TEP1: variants seen among roughly 807,000 people sequenced by gnomAD.
TEP1 encodes the protein telomerase associated protein 1.
Under a neutral mutation model 306.3 loss-of-function variants are expected in TEP1, and 241 were observed. That is an observed-to-expected ratio of 0.79 (90% confidence interval 0.71 to 0.88). TEP1 has a LOEUF of 0.88. Ranked by LOEUF, TEP1 falls within the 40% of genes least tolerant of loss-of-function variation. The pLI is 0.00. For synonymous variants in TEP1, 1,289 were observed against 1,305.5 expected (o/e 0.99, Z 0.27); for missense variants, 3,051 against 3,276.1 (o/e 0.93, Z 1.68).
At chr14:20,383,452 C>A in intron 26 of TEP1, 36 bp downstream of exon 26, 3 of 1,613,520 alleles carry the variant, frequency 1.9e-6, no homozygotes, top group Non-Finnish European at 2.5e-6. Flanking sequence ...TTCTCCCCAG[C>A]CTGCCTCCCG....
At position 20,382,037 on chromosome 14, in the gene TEP1, C is replaced by T. The variant is rs768074751; in HGVS notation, c.4300G>A (p.Val1434Met). 2.5e-6 allele frequency: 4 copies of T among 1,614,180 alleles called. No individual in the cohort carries two copies. Among genetic ancestry groups the T allele is most frequent in the Non-Finnish European group, 3.4e-6 (4 of 1,180,020 alleles). The change falls in exon 30 of 55, where the codon GTG becomes ATG. Residue 1434 changes from valine to methionine, a missense_variant. Val to Met is a conservative substitution (Grantham distance 21, BLOSUM62 1). Coordinates refer to ENST00000262715, the MANE Select transcript of TEP1 (RefSeq NM_007110.5). Reference sequence around the variant, plus strand: ...GGTAGTGTCCGCCACACACTCAGCACTCCGTGCAGCTGGTCCACAGTCAAA... The same window carrying T: ...GGTAGTGTCCGCCACACACTCAGCATTCCGTGCAGCTGGTCCACAGTCAAA... ...SGLTVDQLHG[V>M]LSVWRTLPKG...
chr14:20,410,880 C>T (rs1879635056), intron 1 of TEP1, among the ~76,000 whole-genome samples: 2 of 138,686 alleles, frequency 1.4e-5, no homozygotes, highest in Admixed American at 8.3e-5. Flanking sequence ...GGAGTGCAGT[C>T]GCACAGTCTC....
chr14:20,374,280 G>A, intron 44 of TEP1, 149 bp downstream of exon 44: 1 of 565,200 alleles, frequency 1.8e-6, no homozygotes, highest in Admixed American at 3.5e-5. Flanking sequence ...TTTTTATAGA[G>A]ATGGGGGGTC....
intron 5 of TEP1, 136 bp downstream of exon 5, chr14:20,404,475 A>T: frequency 9.0e-7 from 1 of 1,110,748 alleles, no homozygotes. Context: ...TGGAGGGAGA[A>T]GCTGTCCTGT....
rs941617480 is a variant in TEP1 at position 20,371,502 on chromosome 14, G to A, written c.7207C>T (p.Pro2403Ser). The change falls in exon 50 of 55, where the codon CCA (proline) becomes TCA (serine). Residue 2403 changes from proline to serine, a missense_variant. By Grantham distance (74) the Pro-to-Ser change is moderately conservative. Around this residue, in one of 3 missense-constraint regions of TEP1, gnomAD observed 1,540 missense variants for 1,705.9 expected, o/e 0.90. Transcript: ENST00000262715. ...KLLCMKPGDA[P>S]SEIWSSYTEN... ...TTTGGATCTTACCAGATTTCAGATG[G>A]AGCATCCCCTGGCTTCATGCAAAGT... is the stretch of plus-strand genomic sequence containing the variant. 6.2e-7 allele frequency: 1 copy of A among 1,609,036 alleles called. No homozygotes were observed.
At chr14:20,375,618 T>C (rs1885128357) in intron 43 of TEP1, 137 bp downstream of exon 43, 1 of 598,092 alleles carries the variant, frequency 1.7e-6, no homozygotes, top group Non-Finnish European at 3.0e-6. Flanking sequence ...CTTAGTTCAA[T>C]GCCTGGCACA....
At chr14:20,388,785 T>A (rs1200444279) in intron 17 of TEP1, among the ~76,000 whole-genome samples, 1 of 152,082 alleles carries the variant, frequency 6.6e-6, no homozygotes, top group Non-Finnish European at 1.5e-5. Context: ...AGTGCCTGGG[T>A]CCCTGTGACA....
At chr14:20,409,012 A>G (rs1396990012) in intron 1 of TEP1, among the ~76,000 whole-genome samples, 1 of 152,084 alleles carries the variant, frequency 6.6e-6, no homozygotes, top group Admixed American at 6.6e-5. Flanking sequence ...AGAAACAGGT[A>G]CTTTAATCAA....
rs558347552 is a variant in TEP1, at chr14:20,395,905, G to C, written c.1704C>G (p.Asn568Lys). 2 of 1,614,052 alleles carry C rather than the reference G, an allele frequency of 1.2e-6. No homozygotes were observed. The highest frequency in any genetic ancestry group is 1.7e-6 in the Non-Finnish European group (2 of 1,179,984). Residue 568 changes from asparagine (N) to lysine (K), a missense_variant, in exon 11 of 55, where the codon AAC (asparagine) becomes AAG (lysine). This residue lies in a region of TEP1 where 1,507 missense variants were observed against 1,550.5 expected (regional missense o/e 0.97). Transcript: ENST00000262715. ...HSRQFPFRFL[N>K]AHDAIDALEA... Reference sequence around the variant, plus strand: ...CGAGGGCATCAATGGCATCATGGGCGTTAAGAAATCTGAATGGAAACTGCC... The same window carrying C: ...CGAGGGCATCAATGGCATCATGGGCCTTAAGAAATCTGAATGGAAACTGCC...
intron 12 of TEP1, among the ~76,000 whole-genome samples, chr14:20,394,474 CTT>C (rs747749338): frequency 4.7e-4 from 47 of 100,430 alleles, no homozygotes; most frequent in Non-Finnish European, 7.4e-4. Context: ...GCCCCTTGGG[CTT>C]TTTTTTTTTT....
chr14:20,386,760 A>T, intron 18 of TEP1, 137 bp from the exon 19 acceptor site: 1 of 969,580 alleles, frequency 1.0e-6, no homozygotes, highest in Non-Finnish European at 1.4e-6. Context: ...GCAGGCCTTC[A>T]GAGAAGCACC....
chr14:20,407,712 G>C (rs1379641509), intron 2 of TEP1, among the ~76,000 whole-genome samples, 161 bp downstream of exon 2: 1 of 152,232 alleles, frequency 6.6e-6, no homozygotes, highest in Non-Finnish European at 1.5e-5. Context: ...AATGATGCCA[G>C]TGAAGATGGT....
rs777199327 is a variant in TEP1, at chr14:20,404,688, G to A, written c.955C>T (p.Arg319Cys). The change falls in exon 5 of 55, where the codon CGC becomes TGC. Residue 319 changes from arginine to cysteine, a missense_variant. Transcript: ENST00000262715. ...LAIAAFLPAC[R>C]PHLRRYFCAI... The stretch of plus-strand genomic sequence containing the variant: ...CAGAAATATCGTCGCAGGTGGGGGC[G>A]ACACGCCGGCAAGAAAGCAGCAATG... The A allele has an allele frequency of 1.1e-5, 17 of 1,614,006 alleles. No individual in the cohort carries two copies. In the Admixed American group the frequency reaches 1.2e-4, roughly 11 times the overall value.
intron 41 of TEP1, among the ~76,000 whole-genome samples, chr14:20,376,948 G>C (rs946497836): frequency 2.6e-5 from 4 of 152,206 alleles, no homozygotes; most frequent in African/African-American, 9.7e-5. Context: ...AGGCGCAATG[G>C]CTCACGTCTG....
At chr14:20,389,330 C>T (rs768621849) in intron 16 of TEP1, 33 bp from the exon 17 acceptor site, 4 of 1,610,408 alleles carry the variant, frequency 2.5e-6, no homozygotes, top group Non-Finnish European at 3.4e-6. Context: ...TTAACCATCA[C>T]AAACAATACC....
At chr14:20,378,557 TCAGGATG>T in intron 37 of TEP1, 22 bp from the exon 38 acceptor site, 1 of 1,613,970 alleles carries the variant, frequency 6.2e-7, no homozygotes, top group Non-Finnish European at 8.5e-7. Context: ...AGAGGAGGAA[TCAGGATG>T]CTGAAGAGAG....
At chr14:20,392,697 T>C (rs1324508902) in intron 12 of TEP1, among the ~76,000 whole-genome samples, 1 of 152,252 alleles carries the variant, frequency 6.6e-6, no homozygotes, top group East Asian at 1.9e-4. Context: ...TGAAATGATA[T>C]TTTTAAACAA....
chr14:20,384,585 C>T lies in TEP1; in HGVS notation c.3221+15G>A, dbSNP rs771045165. 2.2e-5 allele frequency: 36 copies of T among 1,613,882 alleles called. No homozygotes were observed. In the South Asian group the frequency reaches 3.5e-4, roughly 16 times the overall value. ...CACATCTCTGTACAGGTGCTCCCTA[C>T]CTCCCTCAGCTCACCTGCGGCAGGT... is the stretch of plus-strand genomic sequence containing the variant. On this transcript the variant is annotated intron_variant, in intron 22 of 54. Transcript: ENST00000262715.
At chr14:20,389,572 G>A in intron 16 of TEP1, 38 bp downstream of exon 16, 2 of 1,609,212 alleles carry the variant, frequency 1.2e-6, no homozygotes, top group South Asian at 1.1e-5. Context: ...GTAGACCACT[G>A]ATTTCTGACA....
Sources: gnomAD v4.1 joint callset for allele counts (sites outside exome capture counted in the v4.1 genomes callset) on GRCh38, gnomAD v4.1.1 for gene constraint, gnomAD v4.1.1 regional missense constraint, MANE v1.5 for transcripts, NCBI Gene and HGNC (gene_info 2026-07-23, HGNC 2026-07-21) for gene names.